Variants in BMPER observed in about 807,000 individuals in gnomAD.
The protein encoded by BMPER is BMP binding endothelial regulator, also known as BMP-binding endothelial regulator protein.
Under a neutral mutation model 87.3 loss-of-function variants are expected in BMPER, and 45 were observed. The ratio of observed to expected loss-of-function variants is 0.52; its 90% CI spans 0.41 to 0.66. The LOEUF (loss-of-function observed/expected upper bound fraction) is 0.66, where lower values mean the gene tolerates loss of function less well. BMPER is among the 30% of genes least tolerant of loss of function. The pLI is 0.00. For missense variants in BMPER, 784 were observed against 867.5 expected (o/e 0.90, Z 1.21); for synonymous variants, 326 against 316.2 (o/e 1.03, Z -0.33).
chr7:34,084,062 G>A (rs749028990), intron 12 of BMPER, among the ~76,000 whole-genome samples: 10 of 151,230 alleles, frequency 6.6e-5, no homozygotes, highest in South Asian at 2.1e-4. Context: ...CCAGTGTTTC[G>A]GGAAGCCAAG....
chr7:34,068,284 G>A (rs926091120), intron 11 of BMPER, among the ~76,000 whole-genome samples: 1 of 152,206 alleles, frequency 6.6e-6, no homozygotes, highest in Non-Finnish European at 1.5e-5. Flanking sequence ...TAGCTGGCCC[G>A]AAAGCTTGGT....
intron 6 of BMPER, among the ~76,000 whole-genome samples, chr7:33,981,447 T>A (rs1785857198): frequency 6.6e-6 from 1 of 152,204 alleles, no homozygotes; most frequent in Non-Finnish European, 1.5e-5. Context: ...TTGTTCTGAT[T>A]CCCAAGACCA....
intron 2 of BMPER, among the ~76,000 whole-genome samples, chr7:33,934,648 C>A (rs921004323): frequency 6.6e-6 from 1 of 152,156 alleles, no homozygotes; most frequent in African/African-American, 2.4e-5. Flanking sequence ...GACTGGCTCC[C>A]AGGTTTCTAA....
At chr7:33,926,146 A>G (rs1784354319) in intron 2 of BMPER, among the ~76,000 whole-genome samples, 1 of 152,216 alleles carries the variant, frequency 6.6e-6, no homozygotes, top group Non-Finnish European at 1.5e-5. Context: ...TTCTGTTCCC[A>G]TCAAAACCTG....
intron 3 of BMPER, among the ~76,000 whole-genome samples, chr7:33,963,340 A>T (rs1785317862): frequency 6.6e-6 from 1 of 152,222 alleles, no homozygotes. Context: ...AAAAATGGAC[A>T]GTAAACAGAA....
At chr7:34,024,801 A>G (rs1398646961) in intron 6 of BMPER, among the ~76,000 whole-genome samples, 1 of 152,014 alleles carries the variant, frequency 6.6e-6, no homozygotes, top group Non-Finnish European at 1.5e-5. Flanking sequence ...ATGTATCAAA[A>G]TCCCAGGCTC....
At chr7:34,090,779 G>A (rs918822389) in intron 13 of BMPER, among the ~76,000 whole-genome samples, 27 of 152,202 alleles carry the variant, frequency 1.8e-4, no homozygotes, top group Admixed American at 1.8e-3. Flanking sequence ...TCAGAAAAAT[G>A]AATGTGAAGT....
chr7:33,931,891 C>G (rs1239259303), intron 2 of BMPER, among the ~76,000 whole-genome samples: 3 of 152,198 alleles, frequency 2.0e-5, no homozygotes, highest in Admixed American at 2.0e-4. Flanking sequence ...GCTTTTGAAT[C>G]AAGGTGAAGA....
intron 13 of BMPER, among the ~76,000 whole-genome samples, chr7:34,106,427 C>A (rs1157814523): frequency 1.3e-5 from 2 of 152,214 alleles, no homozygotes; most frequent in African/African-American, 4.8e-5. Flanking sequence ...GGTTGTTCAA[C>A]CCCAATGAGA....
chr7:34,038,563 C>A (rs1360876849), intron 6 of BMPER, among the ~76,000 whole-genome samples: 1 of 152,020 alleles, frequency 6.6e-6, no homozygotes, highest in African/African-American at 2.4e-5. Flanking sequence ...ATAATATAAA[C>A]AATAATAACA....
chr7:34,035,319 C>A (rs1787633301), intron 6 of BMPER, among the ~76,000 whole-genome samples: 3 of 152,096 alleles, frequency 2.0e-5, no homozygotes, highest in Admixed American at 2.0e-4. Context: ...CAATGGATAC[C>A]AAATAGATAT....
rs572818899 is a variant in BMPER, at chr7:34,031,779, G to A, written c.577-14527G>A. Among the ~76,000 whole-genome samples the A allele has an allele frequency of 7.3e-5, 11 of 150,912 alleles. No individual in the cohort carries two copies. In the East Asian group the frequency reaches 1.8e-3, roughly 24 times the overall value. On this transcript the variant is annotated intron_variant, in intron 6 of 14. Transcript: ENST00000649409. ...TCACAACAGCTTTGCGAGGAAAATA[G>A]CATTGTTTAGAGATAAAATAACCAA...
At chr7:33,985,262 G>A (rs575469911) in intron 6 of BMPER, among the ~76,000 whole-genome samples, 109 of 152,140 alleles carry the variant, frequency 7.2e-4, no homozygotes, top group African/African-American at 2.6e-3. Flanking sequence ...CCCTCCATAT[G>A]TACCTATAAT....
At chr7:33,991,897 GTTGTTCAGT>G (rs1786230585) in intron 6 of BMPER, among the ~76,000 whole-genome samples, 2 of 141,600 alleles carry the variant, frequency 1.4e-5, no homozygotes, top group Non-Finnish European at 3.1e-5. Flanking sequence ...TCAGGAGCAG[GTTGTTCAGT>G]TTCCATGTAG....
chr7:33,918,334 G>A (rs986301793), intron 2 of BMPER, among the ~76,000 whole-genome samples: 1 of 152,194 alleles, frequency 6.6e-6, no homozygotes, highest in African/African-American at 2.4e-5. Context: ...TAATTGAACA[G>A]CGCCATTTGT....
intron 2 of BMPER, among the ~76,000 whole-genome samples, chr7:33,908,717 C>T (rs1402700857): frequency 6.6e-6 from 1 of 152,118 alleles, no homozygotes; most frequent in African/African-American, 2.4e-5. Context: ...GTCAGAAATC[C>T]TTTCTAAATG....
chr7:34,131,676 CT>C (rs1327831362), intron 13 of BMPER, among the ~76,000 whole-genome samples: 1 of 152,192 alleles, frequency 6.6e-6, no homozygotes, highest in African/African-American at 2.4e-5. Flanking sequence ...CCATTTGTGA[CT>C]CCACACTCCC....
At chr7:34,076,069 C>T (rs1788856140) in intron 11 of BMPER, among the ~76,000 whole-genome samples, 1 of 152,184 alleles carries the variant, frequency 6.6e-6, no homozygotes, top group African/African-American at 2.4e-5. Flanking sequence ...CCAAACCCTT[C>T]TCTTCCATAA....
chr7:34,096,778 G>C (rs1320120355), intron 13 of BMPER, among the ~76,000 whole-genome samples: 2 of 152,004 alleles, frequency 1.3e-5, no homozygotes, highest in African/African-American at 4.8e-5. Flanking sequence ...GTATCCAAAG[G>C]CATCTTTTCT....
Sources: allele counts gnomAD v4.1 joint callset (sites outside exome capture counted in the v4.1 genomes callset), GRCh38; gene constraint gnomAD v4.1.1; transcripts MANE v1.5; gene names NCBI Gene and HGNC (gene_info 2026-07-23, HGNC 2026-07-21).